CCNE1: variants seen among roughly 807,000 people sequenced by gnomAD.
The protein encoded by CCNE1 is cyclin E1.
CCNE1 carries 8 observed loss-of-function variants against 54.1 expected under a neutral mutation model. The ratio of observed to expected loss-of-function variants is 0.15; its 90% CI spans 0.09 to 0.27. The LOEUF (loss-of-function observed/expected upper bound fraction) is 0.27, where lower values mean the gene tolerates loss of function less well. CCNE1 is among the 10% of genes least tolerant of loss of function. CCNE1 has a pLI of 1.00. For missense variants in CCNE1, 430 were observed against 514.9 expected (o/e 0.84, Z 1.60); for synonymous variants, 179 against 185.2 (o/e 0.97, Z 0.27).
At chr19:29,819,227 A>G (rs1400924486) in intron 6 of CCNE1, among the ~76,000 whole-genome samples, 1 of 151,956 alleles carries the variant, frequency 6.6e-6, no homozygotes, top group Non-Finnish European at 1.5e-5. Flanking sequence ...CTAGGTGACC[A>G]TGAGACTCTG....
chr19:29,813,117 T>A, intron 4 of CCNE1, 80 bp downstream of exon 4: 2 of 1,267,610 alleles, frequency 1.6e-6, no homozygotes, highest in Non-Finnish European at 2.3e-6. Context: ...TCTTGTCTCT[T>A]GCTGGAGACA....
rs142662447 is a variant in CCNE1 at position 29,819,616 on chromosome 19, C to G, written c.463-1086C>G. On this transcript the variant is annotated intron_variant, in intron 6 of 11. Coordinates refer to ENST00000262643, the MANE Select transcript of CCNE1 (RefSeq NM_001238.4). Reference sequence around the variant, plus strand: ...TCTTGGTCCACACTATTTTATTTCTCTTTAACAGTTAATCAAAAGAACAAG... The same window carrying G: ...TCTTGGTCCACACTATTTTATTTCTGTTTAACAGTTAATCAAAAGAACAAG... Among the ~76,000 whole-genome samples the G allele has an allele frequency of 1.2e-3, 180 of 152,314 alleles. 1 individual carries two copies. Among genetic ancestry groups the G allele is most frequent in the African/African-American group, 4.3e-3 (177 of 41,574 alleles).
At chr19:29,815,866 A>T (rs1437302635) in intron 4 of CCNE1, among the ~76,000 whole-genome samples, 2 of 151,862 alleles carry the variant, frequency 1.3e-5, no homozygotes, top group Admixed American at 1.3e-4. Flanking sequence ...TTAAAAAAAA[A>T]AAAAAATGCC....
At chr19:29,817,710 G>C (rs1221190462) in intron 6 of CCNE1, among the ~76,000 whole-genome samples, 169 bp downstream of exon 6, 1 of 152,180 alleles carries the variant, frequency 6.6e-6, no homozygotes, top group Non-Finnish European at 1.5e-5. Flanking sequence ...TTCTTAGCAA[G>C]AATTTCTGAA....
chr19:29,822,157 G>A (rs1599604027), intron 9 of CCNE1, 27 bp downstream of exon 9: 1 of 1,611,692 alleles, frequency 6.2e-7, no homozygotes, highest in East Asian at 2.2e-5. Context: ...CGTCCGTGGG[G>A]CCACCTTCCC....
chr19:29,822,943 CAA>C (rs11292796), intron 11 of CCNE1, among the ~76,000 whole-genome samples: 13 of 143,204 alleles, frequency 9.1e-5, no homozygotes, highest in South Asian at 2.2e-4. Context: ...AACTATGTCT[CAA>C]AAAAAAAAAA....
At chr19:29,822,637 C>A (rs772035284) in intron 11 of CCNE1, 34 bp downstream of exon 11, 1 of 1,582,344 alleles carries the variant, frequency 6.3e-7, no homozygotes, top group South Asian at 1.1e-5. Flanking sequence ...TCCTTCTTGG[C>A]CAAATTCTTA....
Position 29,812,983 on chromosome 19 carries a change from A to T in CCNE1, c.126A>T (p.Pro42=). 6.2e-7 allele frequency: 1 copy of T among 1,614,158 alleles called. No homozygotes were observed. Among genetic ancestry groups the T allele is most frequent in the Non-Finnish European group, 8.5e-7 (1 of 1,180,038 alleles). ...KANVTVFLQD[P]DEEMAKIDRT... ...CTTCATGTTAGTTTTTGCAGGATCC[A>T]GATGAAGAAATGGCCAAAATCGACA... The change falls in exon 4 of 12, where the codon CCA becomes CCT. Residue 42 remains proline (P), a synonymous_variant. Coordinates refer to ENST00000262643, the MANE Select transcript of CCNE1 (RefSeq NM_001238.4).
At chr19:29,812,606 G>A (rs1271377186) in intron 2 of CCNE1, 28 bp downstream of exon 2, 4 of 1,523,730 alleles carry the variant, frequency 2.6e-6, no homozygotes, top group Non-Finnish European at 2.6e-6. Flanking sequence ...GGGGCCGGAC[G>A]GGACGGGACG....
chr19:29,824,030 T>G lies in CCNE1; in HGVS notation c.*253T>G. 2.6e-6 allele frequency: 1 copy of G among 382,022 alleles called. No homozygotes were observed. Among genetic ancestry groups the G allele is most frequent in the Non-Finnish European group, 4.7e-6 (1 of 213,180 alleles). The allele number at this position is 382,022 out of a possible 1,614,324, so 23.7% of individuals were successfully genotyped here. ...CACCAGTGCGTGCTCCCGATGCTGC[T>G]ATGGAAGGTGCTACTTGACCTAAGG... On this transcript the variant is annotated 3_prime_UTR_variant, in exon 12 of 12. Transcript: ENST00000262643.
intron 4 of CCNE1, among the ~76,000 whole-genome samples, chr19:29,814,253 C>T (rs966749884): frequency 6.6e-6 from 1 of 151,872 alleles, no homozygotes; most frequent in East Asian, 1.9e-4. Context: ...AAAATGAATT[C>T]TGACTTTGTG....
intron 8 of CCNE1, 65 bp downstream of exon 8, chr19:29,821,882 T>C (rs1246254466): frequency 5.3e-6 from 8 of 1,499,178 alleles, no homozygotes; most frequent in African/African-American, 1.4e-5. Flanking sequence ...CCACCTGAAG[T>C]GTGAGTGCCT....
In CCNE1 at chr19:29,820,866, ATTTG is replaced by A. The variant is rs774912127; in HGVS notation, c.609+21_609+24del. On this transcript the variant is annotated intron_variant, in intron 7 of 11. Transcript: ENST00000262643. ...AACTTGAGGTAAATAATTTTCAAATATTTGTTCTATAATGTGTGTTATTTCTCGA... is the reference window on the plus strand; with the variant it reads ...AACTTGAGGTAAATAATTTTCAAATATTCTATAATGTGTGTTATTTCTCGA... 5.1e-6 allele frequency: 8 copies of A among 1,561,616 alleles called. No individual in the cohort carries two copies. In the African/African-American group the frequency reaches 9.5e-5, roughly 19 times the overall value.
chr19:29,823,657 C>T lies in CCNE1; in HGVS notation c.1113C>T (p.Asp371=). The stretch of plus-strand genomic sequence containing the variant: ...GTCCCTTTTATTCTTACCAACAGGA[C>T]AAAGCCCGAGCAAAGAAAGCCATGT... ...QTHRDSLDLL[D]KARAKKAMLS... The change falls in exon 12 of 12, where the codon GAC becomes GAT. Residue 371 remains aspartate (D), a splice_region_variant and synonymous_variant. Coordinates refer to ENST00000262643, the MANE Select transcript of CCNE1 (RefSeq NM_001238.4). The T allele has an allele frequency of 1.2e-6, 2 of 1,613,972 alleles. No individual in the cohort carries two copies. The highest frequency in any genetic ancestry group is 1.7e-6 in the Non-Finnish European group (2 of 1,179,896).
At chr19:29,815,857 TAA>T (rs920979445) in intron 4 of CCNE1, among the ~76,000 whole-genome samples, 17 of 139,474 alleles carry the variant, frequency 1.2e-4, no homozygotes, top group Admixed American at 2.2e-4. Flanking sequence ...GTCTCTGCTT[TAA>T]AAAAAAAAAA....
At chr19:29,818,185 T>C (rs1285758883) in intron 6 of CCNE1, among the ~76,000 whole-genome samples, 5 of 151,934 alleles carry the variant, frequency 3.3e-5, no homozygotes, top group South Asian at 2.1e-4. Context: ...CGCCACCACG[T>C]CTGGCTAATT....
rs1324823402 is a variant in CCNE1 at position 29,817,490 on chromosome 19, C to A, written c.411C>A (p.His137Gln). 2 of 1,614,098 alleles carry A rather than the reference C, an allele frequency of 1.2e-6. No homozygotes were observed. The highest frequency in any genetic ancestry group is 1.3e-5 in the African/African-American group (1 of 74,928). The change falls in exon 6 of 12, where the codon CAC becomes CAA. Residue 137 changes from histidine (H) to glutamine (Q), a missense_variant. Around this residue, in one of 2 missense-constraint regions of CCNE1, gnomAD observed 303 missense variants for 401.1 expected, o/e 0.76. Coordinates refer to ENST00000262643, the MANE Select transcript of CCNE1 (RefSeq NM_001238.4). ...GGGATCAGCACTTTCTTGAGCAACA[C>A]CCTCTTCTGCAGCCAAAAATGCGAG... ...YLRDQHFLEQ[H>Q]PLLQPKMRAI...
intron 6 of CCNE1, 59 bp from the exon 7 acceptor site, chr19:29,820,643 T>TC: frequency 8.0e-7 from 1 of 1,247,398 alleles, no homozygotes; most frequent in African/African-American, 1.5e-5. Flanking sequence ...AAGTTTTTTT[T>TC]TTTTCCCCTC....
At chr19:29,813,485 C>G (rs1220144500) in intron 4 of CCNE1, among the ~76,000 whole-genome samples, 2 of 152,156 alleles carry the variant, frequency 1.3e-5, no homozygotes, top group East Asian at 3.8e-4. Context: ...CTATCTACAC[C>G]TATTTTTCTT....
Sources: gnomAD v4.1 joint callset for allele counts (sites outside exome capture counted in the v4.1 genomes callset) on GRCh38, gnomAD v4.1.1 for gene constraint, gnomAD v4.1.1 regional missense constraint, MANE v1.5 for transcripts, NCBI Gene and HGNC (gene_info 2026-07-23, HGNC 2026-07-21) for gene names.